CC2D2A: variants seen among roughly 807,000 people sequenced by gnomAD.
The protein encoded by CC2D2A is coiled-coil and C2 domain containing 2A.
CC2D2A carries 155 observed loss-of-function variants against 212.9 expected under a neutral mutation model. That is an observed-to-expected ratio of 0.73 (90% confidence interval 0.64 to 0.83). The LOEUF is 0.83. Ranked by LOEUF, CC2D2A falls within the 40% of genes least tolerant of loss-of-function variation. The pLI is 0.00. For synonymous variants in CC2D2A, 667 were observed against 686.5 expected (o/e 0.97, Z 0.44); for missense variants, 1,856 against 1,956.2 (o/e 0.95, Z 0.97).
At chr4:15,495,907 C>A (rs1715589238) in intron 4 of CC2D2A, among the ~76,000 whole-genome samples, 1 of 152,122 alleles carries the variant, frequency 6.6e-6, no homozygotes, top group Non-Finnish European at 1.5e-5. Context: ...TATTTTTTGA[C>A]ATTTTAATAT....
chr4:15,496,329 T>C (rs1715614333), intron 4 of CC2D2A, among the ~76,000 whole-genome samples: 1 of 152,208 alleles, frequency 6.6e-6, no homozygotes, highest in African/African-American at 2.4e-5. Context: ...AGAATGGTAT[T>C]TCCTAGGTTT....
intron 33 of CC2D2A, among the ~76,000 whole-genome samples, chr4:15,591,486 T>A (rs369775063): frequency 6.6e-5 from 10 of 152,336 alleles, no homozygotes; most frequent in African/African-American, 1.9e-4. Context: ...CCCAAAGTGC[T>A]GGGATTACAG....
At chr4:15,552,741 C>T (rs1301543197) in intron 18 of CC2D2A, among the ~76,000 whole-genome samples, 1 of 152,156 alleles carries the variant, frequency 6.6e-6, no homozygotes, top group Non-Finnish European at 1.5e-5. Flanking sequence ...TCTTCAGTGC[C>T]TGCAATAGTG....
chr4:15,509,750 A>T (rs1292787678), intron 6 of CC2D2A, among the ~76,000 whole-genome samples: 1 of 152,148 alleles, frequency 6.6e-6, no homozygotes, highest in African/African-American at 2.4e-5. Context: ...CATTGTGTGA[A>T]CCCATTGTGT....
At chr4:15,475,223 G>A (rs770578287) in intron 1 of CC2D2A, among the ~76,000 whole-genome samples, 15 of 152,190 alleles carry the variant, frequency 9.9e-5, no homozygotes, top group Non-Finnish European at 1.6e-4. Context: ...GCAGTGAGCC[G>A]AGATCGTGCC....
At chr4:15,480,075 A>C (rs1354618077) in intron 3 of CC2D2A, among the ~76,000 whole-genome samples, 3 of 152,224 alleles carry the variant, frequency 2.0e-5, no homozygotes, top group Admixed American at 6.5e-5. Flanking sequence ...TGCTTTCTAC[A>C]GTGACTCAAA....
chr4:15,597,961 G>C (rs1174643228), intron 35 of CC2D2A, among the ~76,000 whole-genome samples: 1 of 152,086 alleles, frequency 6.6e-6, no homozygotes, highest in Non-Finnish European at 1.5e-5. Flanking sequence ...GTGTTAAAGG[G>C]GGCTTCTGAG....
At chr4:15,510,067 A>T in intron 6 of CC2D2A, 72 bp from the exon 7 acceptor site, 1 of 1,144,130 alleles carries the variant, frequency 8.7e-7, no homozygotes, top group Non-Finnish European at 1.3e-6. Context: ...TGGGGGGGTT[A>T]ACCTTCATTT....
chr4:15,574,283 C>T lies in CC2D2A; in HGVS notation c.3728C>T (p.Thr1243Ile). The T allele has an allele frequency of 6.4e-7, 1 of 1,551,408 alleles. No homozygotes were observed. Among genetic ancestry groups the T allele is most frequent in the Non-Finnish European group, 8.7e-7 (1 of 1,146,830 alleles). ...SEGSYITLFI[T>I]IEPQLVPGES... ...GGCTCCTACATTACCCTCTTTATTA[C>T]CATTGAGCCCCAGCTGGTTCCTGGA... Residue 1243 changes from threonine (T) to isoleucine (I), a missense_variant, in exon 29 of 37, where the codon ACC becomes ATC. Coordinates refer to ENST00000424120, the MANE Select transcript of CC2D2A (RefSeq NM_001378615.1).
At chr4:15,475,274 A>T (rs1178326892) in intron 1 of CC2D2A, among the ~76,000 whole-genome samples, 1 of 152,272 alleles carries the variant, frequency 6.6e-6, no homozygotes, top group Non-Finnish European at 1.5e-5. Flanking sequence ...ACTTCGTCTC[A>T]AAAGAAAAAG....
intron 28 of CC2D2A, among the ~76,000 whole-genome samples, chr4:15,572,537 G>A (rs983654139): frequency 1.3e-5 from 2 of 151,432 alleles, no homozygotes; most frequent in Non-Finnish European, 2.9e-5. Context: ...ATAAGAGTTG[G>A]TACTGCCACT....
At chr4:15,533,801 G>T (rs974473677) in intron 14 of CC2D2A, among the ~76,000 whole-genome samples, 1 of 152,088 alleles carries the variant, frequency 6.6e-6, no homozygotes, top group Admixed American at 6.6e-5. Flanking sequence ...TTCTGTTGAT[G>T]GGCATTTGAG....
chr4:15,600,934 G>GT (rs1225755556), intron 36 of CC2D2A, among the ~76,000 whole-genome samples: 3 of 147,698 alleles, frequency 2.0e-5, no homozygotes, highest in African/African-American at 7.4e-5. Context: ...AAAAAGAAAT[G>GT]TATTTGTTAG....
chr4:15,517,589 T>G (rs1283614105), intron 11 of CC2D2A, among the ~76,000 whole-genome samples: 1 of 152,210 alleles, frequency 6.6e-6, no homozygotes, highest in Non-Finnish European at 1.5e-5. Context: ...TAGCAGTGTC[T>G]GCCTCCCAGG....
chr4:15,519,535 T>C (rs1717087825), intron 11 of CC2D2A: 1 of 448,092 alleles, frequency 2.2e-6, no homozygotes, highest in Non-Finnish European at 4.5e-6. Context: ...CAATTTATTG[T>C]ATTAGTCCAT....
intron 27 of CC2D2A, 65 bp from the exon 28 acceptor site, chr4:15,570,333 T>C (rs1048124079): frequency 1.0e-6 from 1 of 984,302 alleles, no homozygotes; most frequent in South Asian, 1.6e-5. Flanking sequence ...GCTTTCCTGC[T>C]GCCAGATTAA....
In CC2D2A at chr4:15,563,494, G is replaced by C. The variant is rs1055487228; in HGVS notation, c.3154G>C (p.Asp1052His). The C allele has an allele frequency of 6.2e-7, 1 of 1,612,374 alleles. No homozygotes were observed. Among genetic ancestry groups the C allele is most frequent in the South Asian group, 1.1e-5 (1 of 90,542 alleles). ...KLLVNIVRAY[D>H]IPVRKPAVSK... The stretch of plus-strand genomic sequence containing the variant: ...GCTGGTGAACATTGTGCGAGCTTAC[G>C]ACATTCCAGTGAGGAAGCCGGCAGT... The change falls in exon 24 of 37, where the codon GAC (aspartate) becomes CAC (histidine). Residue 1052 changes from aspartate to histidine, a missense_variant. By Grantham distance (81) the Asp-to-His change is moderately conservative (BLOSUM62 -1). Transcript: ENST00000424120.
At chr4:15,496,049 G>C (rs1180498285) in intron 4 of CC2D2A, among the ~76,000 whole-genome samples, 2 of 152,094 alleles carry the variant, frequency 1.3e-5, no homozygotes, top group African/African-American at 4.8e-5. Flanking sequence ...AAAATTATCT[G>C]TTCAAGTTCT....
At chr4:15,510,781 A>G (rs1716528425) in intron 7 of CC2D2A, among the ~76,000 whole-genome samples, 1 of 152,194 alleles carries the variant, frequency 6.6e-6, no homozygotes, top group Non-Finnish European at 1.5e-5. Flanking sequence ...CAGTTTGTTC[A>G]GCTCTGAAGT....
Sources: allele counts gnomAD v4.1 joint callset (sites outside exome capture counted in the v4.1 genomes callset), GRCh38; gene constraint gnomAD v4.1.1; transcripts MANE v1.5; gene names NCBI Gene and HGNC (gene_info 2026-07-23, HGNC 2026-07-21).